Variants in CGB7 observed in about 807,000 individuals in gnomAD.
CGB7 encodes choriogonadotropin subunit beta 7.
Under a neutral mutation model 7.3 loss-of-function variants are expected in CGB7, and 6 were observed. The ratio of observed to expected loss-of-function variants is 0.82; its 90% CI spans 0.45 to 1.62. The LOEUF (loss-of-function observed/expected upper bound fraction) is 1.62, where lower values mean the gene tolerates loss of function less well. Among genes scored for constraint, CGB7 ranks in the 40% most tolerant of loss-of-function variants. CGB7 has a pLI of 0.01. For synonymous variants in CGB7, 47 were observed against 100.8 expected (o/e 0.47, Z 3.20); for missense variants, 114 against 236.2 (o/e 0.48, Z 3.39).
rs772163152 is a variant in CGB7 at position 49,056,563 on chromosome 19, T to G, written c.-1188A>C. On this transcript the variant is annotated 5_prime_UTR_variant, in exon 3 of 5. Transcript: ENST00000684222. ...CTCTTCTAAGCTCCAGTAGGTCAGG[T>G]AGTCCTTGCGGGGGTATCCGGACGG... 174 of 1,299,084 alleles carry G rather than the reference T, an allele frequency of 1.3e-4. 3 individuals are homozygous for G. The highest frequency in any genetic ancestry group is 4.4e-4 in the African/African-American group (29 of 66,206). 80.5% of individuals were successfully genotyped at this position (1,299,084 alleles called of 1,614,324 possible). A position where few individuals can be genotyped will look rare whatever the true frequency, so the allele number is the denominator to read the frequency against.
At position 49,056,048 on chromosome 19, in the gene CGB7, G is replaced by T; in HGVS notation, c.-673C>A. On this transcript the variant is annotated 5_prime_UTR_variant, in exon 3 of 5. Transcript: ENST00000684222. Reference sequence around the variant, plus strand: ...CCCGCAGGAGGTGTGTCCTGCCCGCGGGGCCGCAGCCTCGGAGGACATTGT... The same window carrying T: ...CCCGCAGGAGGTGTGTCCTGCCCGCTGGGCCGCAGCCTCGGAGGACATTGT... The T allele has an allele frequency of 8.6e-7, 1 of 1,168,576 alleles. No homozygotes were observed. Among genetic ancestry groups the T allele is most frequent in the Non-Finnish European group, 1.1e-6 (1 of 930,386 alleles). The allele number at this position is 1,168,576 out of a possible 1,614,324, so 72.4% of individuals were successfully genotyped here.
In CGB7 at chr19:49,055,569, C is replaced by G. The variant is rs1277987629; in HGVS notation, c.-194G>C. ...CAGTCCTCTCCCCTCAGTGGTCTAG[C>G]GCCAAGGATGAGGCGGAGACCACGG... On this transcript the variant is annotated 5_prime_UTR_variant, in exon 3 of 5. Transcript: ENST00000684222. 1.3e-5 allele frequency: 20 copies of G among 1,517,084 alleles called. No homozygotes were observed. Among genetic ancestry groups the G allele is most frequent in the Non-Finnish European group, 1.5e-5 (17 of 1,133,212 alleles). 94.0% of individuals were successfully genotyped at this position (1,517,084 alleles called of 1,614,324 possible). A position where few individuals can be genotyped will look rare whatever the true frequency, so the allele number is the denominator to read the frequency against.
chr19:49,057,132 C>T lies in CGB7; in HGVS notation c.-1232G>A. ...AGAGCCCGGCTTACTTGGGATAGAA[C>T]CGAAAGTCCCGCGCCGAGGTGGTCA... On this transcript the variant is annotated 5_prime_UTR_variant, in exon 2 of 5. Coordinates refer to ENST00000684222, the MANE Select transcript of CGB7 (RefSeq NM_001385261.1). The T allele has an allele frequency of 6.5e-7, 1 of 1,534,012 alleles. No homozygotes were observed. Among genetic ancestry groups the T allele is most frequent in the Non-Finnish European group, 8.7e-7 (1 of 1,146,358 alleles).
At position 49,055,848 on chromosome 19, in the gene CGB7, C is replaced by T. The variant is rs2040053916; in HGVS notation, c.-473G>A. On this transcript the variant is annotated 5_prime_UTR_variant, in exon 3 of 5. Coordinates refer to ENST00000684222, the MANE Select transcript of CGB7 (RefSeq NM_001385261.1). ...TTCTGCCCAGTGAGAGAGGGTCTCC[C>T]CGTGACTGTGCTGCCAGGGAAGCCA... is the stretch of plus-strand genomic sequence containing the variant. 1.8e-6 allele frequency: 2 copies of T among 1,093,646 alleles called. No individual in the cohort carries two copies. The highest frequency in any genetic ancestry group is 2.2e-6 in the Non-Finnish European group (2 of 892,072). The allele number at this position is 1,093,646 out of a possible 1,614,324, so 67.7% of individuals were successfully genotyped here.
Position 49,056,581 on chromosome 19 carries a change from C to G in CGB7, c.-1206G>C, listed in dbSNP as rs540272682. 7.4e-5 allele frequency: 95 copies of G among 1,291,830 alleles called. No individual in the cohort carries two copies. Among genetic ancestry groups the G allele is most frequent in the South Asian group, 3.6e-4 (29 of 81,298 alleles). 80.0% of individuals were successfully genotyped at this position (1,291,830 alleles called of 1,614,324 possible). On this transcript the variant is annotated 5_prime_UTR_variant, in exon 3 of 5. Transcript: ENST00000684222. ...GGTCAGGTAGTCCTTGCGGGGGTAT[C>G]CGGACGGCTCCGTCCTGTGGGAGCA...
Position 49,056,263 on chromosome 19 carries a change from GCAGGCTCCCA to G in CGB7, c.-898_-889del. On this transcript the variant is annotated 5_prime_UTR_variant, in exon 3 of 5. An upstream open reading frame in the 5' UTR loses its in-frame stop. Transcript: ENST00000684222. ...GCGTGTCTGGGGTGGGGCTGGCCCG[GCAGGCTCCCA>G]CTAGCCCCGGCTTACAGCGGCCTGA... is the stretch of plus-strand genomic sequence containing the variant. 7.7e-7 allele frequency: 1 copy of G among 1,290,536 alleles called. No individual in the cohort carries two copies. Among genetic ancestry groups the G allele is most frequent in the Non-Finnish European group, 1.0e-6 (1 of 989,352 alleles). 79.9% of individuals were successfully genotyped at this position (1,290,536 alleles called of 1,614,324 possible).
chr19:49,056,121 G>C lies in CGB7; in HGVS notation c.-746C>G. 8.4e-7 allele frequency: 1 copy of C among 1,190,072 alleles called. No individual in the cohort carries two copies. The highest frequency in any genetic ancestry group is 1.1e-6 in the Non-Finnish European group (1 of 939,476). 73.7% of individuals were successfully genotyped at this position (1,190,072 alleles called of 1,614,324 possible). On this transcript the variant is annotated 5_prime_UTR_variant, in exon 3 of 5. Coordinates refer to ENST00000684222, the MANE Select transcript of CGB7 (RefSeq NM_001385261.1). Reference sequence around the variant, plus strand: ...GATCCAGCCGCAGCTGAGTGGGCGTGTCTGGGCTAGTCCTGTCCCCACACT... The same window carrying C: ...GATCCAGCCGCAGCTGAGTGGGCGTCTCTGGGCTAGTCCTGTCCCCACACT...
At position 49,055,899 on chromosome 19, in the gene CGB7, G is replaced by C; in HGVS notation, c.-524C>G. 9.3e-7 allele frequency: 1 copy of C among 1,079,446 alleles called. No individual in the cohort carries two copies. The highest frequency in any genetic ancestry group is 1.1e-6 in the Non-Finnish European group (1 of 883,308). The allele number at this position is 1,079,446 out of a possible 1,614,324, so 66.9% of individuals were successfully genotyped here. A position where few individuals can be genotyped will look rare whatever the true frequency, so the allele number is the denominator to read the frequency against. On this transcript the variant is annotated 5_prime_UTR_variant, in exon 3 of 5. Transcript: ENST00000684222. ...CTTGACCCAGATGCCCCCCAACGAG[G>C]GATTCAGCCCGAGCCCCACCTCTCC...
At chr19:49,057,346 C>G (rs2040078704) in intron 1 of CGB7, 98 bp from the exon 2 acceptor site, 2 of 1,446,714 alleles carry the variant, frequency 1.4e-6, no homozygotes, top group East Asian at 2.6e-5. Context: ...CCTTCGGCCT[C>G]GACAGCCATG....
At chr19:49,056,860 A>C (rs3810181) in intron 2 of CGB7, among the ~76,000 whole-genome samples, 44,193 of 152,076 alleles carry the variant, frequency 0.29, 6,774 homozygotes, top group South Asian at 0.39. Flanking sequence ...CAAGTACCGA[A>C]GGAGGCCCTG....
chr19:49,056,727 C>CCGGG (rs980946867), intron 2 of CGB7, 132 bp from the exon 3 acceptor site: 2 of 841,954 alleles, frequency 2.4e-6, no homozygotes, highest in African/African-American at 3.6e-5. Context: ...AAGGACGCGA[C>CCGGG]CGGGCACGCG....
Position 49,057,535 on chromosome 19 carries a change from G to C in CGB7, c.-1422C>G. The C allele has an allele frequency of 1.7e-6, 2 of 1,187,456 alleles. No homozygotes were observed. Among genetic ancestry groups the C allele is most frequent in the Admixed American group, 4.3e-5 (1 of 23,170 alleles). The allele number at this position is 1,187,456 out of a possible 1,614,324, so 73.6% of individuals were successfully genotyped here. On this transcript the variant is annotated 5_prime_UTR_variant, in exon 1 of 5. Transcript: ENST00000684222. The stretch of plus-strand genomic sequence containing the variant: ...CCCCAGCCACCACAAAATCCCCCTG[G>C]TTCTGCCCCCGGTCTCAAGCCTTCT...
Position 49,055,572 on chromosome 19 carries a change from C to G in CGB7, c.-197G>C. Reference sequence around the variant, plus strand: ...TCCTCTCCCCTCAGTGGTCTAGCGCCAAGGATGAGGCGGAGACCACGGTGA... The same window carrying G: ...TCCTCTCCCCTCAGTGGTCTAGCGCGAAGGATGAGGCGGAGACCACGGTGA... On this transcript the variant is annotated 5_prime_UTR_variant, in exon 3 of 5. Coordinates refer to ENST00000684222, the MANE Select transcript of CGB7 (RefSeq NM_001385261.1). 1 of 1,512,530 alleles carries G rather than the reference C, an allele frequency of 6.6e-7. No homozygotes were observed. The highest frequency in any genetic ancestry group is 8.8e-7 in the Non-Finnish European group (1 of 1,131,232). 93.7% of individuals were successfully genotyped at this position (1,512,530 alleles called of 1,614,324 possible).
At position 49,054,376 on chromosome 19, in the gene CGB7, G is replaced by T. The variant is rs1458770952; in HGVS notation, c.413C>A (p.Ser138Tyr). Reference sequence around the variant, plus strand: ...GGGGGGAGGGGCCTTTGAGGAAGAGGAGGCCTGGAAGCGGGGGTCATCACA... The same window carrying T: ...GGGGGGAGGGGCCTTTGAGGAAGAGTAGGCCTGGAAGCGGGGGTCATCACA... ...LTCDDPRFQA[S>Y]SSSKAPPPSL... is the part of the protein sequence containing the mutation. Residue 138 changes from serine (S) to tyrosine (Y), a missense_variant, in exon 5 of 5, where the codon TCC (serine) becomes TAC (tyrosine). Physicochemically the swap from Ser to Tyr is moderately radical, Grantham distance 144 (BLOSUM62 -2). Around this residue, in one of 3 missense-constraint regions of CGB7, gnomAD observed 36 missense variants for 126.1 expected, o/e 0.29. Transcript: ENST00000684222. 9 of 1,609,854 alleles carry T rather than the reference G, an allele frequency of 5.6e-6. No individual in the cohort carries two copies. The African/African-American group carries it at 1.1e-4, about 19-fold the overall frequency.
rs12461085 is a variant in CGB7 at position 49,055,472 on chromosome 19, G to A, written c.-97C>T. On this transcript the variant is annotated 5_prime_UTR_variant, in exon 3 of 5. Transcript: ENST00000684222. ...AGGTTGTAGGATGCTGGAGTGAGCTGGACACTAACCCTTCGGGGGGCGAGA... is the reference window on the plus strand; with the variant it reads ...AGGTTGTAGGATGCTGGAGTGAGCTAGACACTAACCCTTCGGGGGGCGAGA... 1.1e-5 allele frequency: 17 copies of A among 1,605,286 alleles called. No homozygotes were observed. In the African/African-American group the frequency reaches 1.9e-4, roughly 18 times the overall value.
intron 3 of CGB7, 76 bp downstream of exon 3, chr19:49,055,285 A>G: frequency 6.2e-7 from 1 of 1,608,036 alleles, no homozygotes; most frequent in Non-Finnish European, 8.5e-7. Context: ...TCCACAGCTC[A>G]CACTGGTCTG....
At position 49,055,457 on chromosome 19, in the gene CGB7, A is replaced by T; in HGVS notation, c.-82T>A. ...GTCAAGGCCACCAGGAGGTTGTAGG[A>T]TGCTGGAGTGAGCTGGACACTAACC... On this transcript the variant is annotated 5_prime_UTR_variant, in exon 3 of 5. Coordinates refer to ENST00000684222, the MANE Select transcript of CGB7 (RefSeq NM_001385261.1). 2 of 1,608,070 alleles carry T rather than the reference A, an allele frequency of 1.2e-6. No homozygotes were observed. Among genetic ancestry groups the T allele is most frequent in the Admixed American group, 3.3e-5 (2 of 59,756 alleles).
rs1231104383 is a variant in CGB7 at position 49,055,709 on chromosome 19, G to A, written c.-334C>T. On this transcript the variant is annotated 5_prime_UTR_variant, in exon 3 of 5. Transcript: ENST00000684222. Reference sequence around the variant, plus strand: ...GCCTATGGTGGGGTCTTGGGAACCAGGAGGAGGCCGTGACCCGAGAAAGGT... The same window carrying A: ...GCCTATGGTGGGGTCTTGGGAACCAAGAGGAGGCCGTGACCCGAGAAAGGT... 1 of 1,287,050 alleles carries A rather than the reference G, an allele frequency of 7.8e-7. No individual in the cohort carries two copies. Among genetic ancestry groups the A allele is most frequent in the African/African-American group, 1.5e-5 (1 of 66,694 alleles). The allele number at this position is 1,287,050 out of a possible 1,614,324, so 79.7% of individuals were successfully genotyped here.
chr19:49,056,260 C>G lies in CGB7; in HGVS notation c.-885G>C. 7.8e-7 allele frequency: 1 copy of G among 1,290,284 alleles called. No individual in the cohort carries two copies. Among genetic ancestry groups the G allele is most frequent in the South Asian group, 1.2e-5 (1 of 81,316 alleles). 79.9% of individuals were successfully genotyped at this position (1,290,284 alleles called of 1,614,324 possible). Reference sequence around the variant, plus strand: ...GGGGCGTGTCTGGGGTGGGGCTGGCCCGGCAGGCTCCCACTAGCCCCGGCT... The same window carrying G: ...GGGGCGTGTCTGGGGTGGGGCTGGCGCGGCAGGCTCCCACTAGCCCCGGCT... On this transcript the variant is annotated 5_prime_UTR_variant, in exon 3 of 5. Coordinates refer to ENST00000684222, the MANE Select transcript of CGB7 (RefSeq NM_001385261.1).
Sources: gnomAD v4.1 joint callset for allele counts (sites outside exome capture counted in the v4.1 genomes callset) on GRCh38, gnomAD v4.1.1 for gene constraint, gnomAD v4.1.1 regional missense constraint, MANE v1.5 for transcripts, NCBI Gene and HGNC (gene_info 2026-07-23, HGNC 2026-07-21) for gene names.